Variants in NUP37 observed in about 807,000 individuals in gnomAD.
The protein encoded by NUP37 is nucleoporin Nup37.
A neutral mutation model predicts 45.4 loss-of-function variants in NUP37; 33 were observed. That is an observed-to-expected ratio of 0.73 (90% CI 0.55 to 0.97). NUP37 has a LOEUF of 0.97. Ranked by LOEUF, NUP37 falls within the 50% of genes least tolerant of loss-of-function variation. The pLI, the probability that NUP37 is intolerant of heterozygous loss-of-function variation, is 0.00. For synonymous variants in NUP37, 127 were observed against 130.7 expected (o/e 0.97, Z 0.19); for missense variants, 365 against 389.7 (o/e 0.94, Z 0.53).
chr12:102,093,541 A>C (rs778995013), intron 5 of NUP37, among the ~76,000 whole-genome samples: 3 of 152,110 alleles, frequency 2.0e-5, no homozygotes, highest in Non-Finnish European at 4.4e-5. Context: ...GACCATGTGT[A>C]ATGATTTCAT....
chr12:102,092,255 C>T (rs1272934981), intron 5 of NUP37, among the ~76,000 whole-genome samples: 5 of 152,294 alleles, frequency 3.3e-5, no homozygotes, highest in African/African-American at 9.6e-5. Flanking sequence ...TTAAATGACA[C>T]ATCTGTATCC....
intron 2 of NUP37, among the ~76,000 whole-genome samples, chr12:102,117,917 A>G (rs1274877454): frequency 1.3e-5 from 2 of 152,238 alleles, no homozygotes; most frequent in Non-Finnish European, 2.9e-5. Context: ...TAGATGCACA[A>G]AAAGTATGAC....
intron 3 of NUP37, among the ~76,000 whole-genome samples, chr12:102,111,837 G>C (rs1880324850): frequency 6.6e-6 from 1 of 152,204 alleles, no homozygotes; most frequent in Non-Finnish European, 1.5e-5. Context: ...TGAACAATCT[G>C]TAAAGACCTT....
chr12:102,100,674 T>C (rs1285518837), intron 4 of NUP37, among the ~76,000 whole-genome samples: 1 of 152,226 alleles, frequency 6.6e-6, no homozygotes, highest in Non-Finnish European at 1.5e-5. Context: ...GCCTGTGCTA[T>C]GCTGTACTGA....
At chr12:102,078,154 C>T (rs1879230217) in intron 6 of NUP37, among the ~76,000 whole-genome samples, 1 of 151,114 alleles carries the variant, frequency 6.6e-6, no homozygotes, top group African/African-American at 2.4e-5. Flanking sequence ...ATGGTGAAAC[C>T]CCGTCTCTAC....
At chr12:102,105,690 A>G (rs917564763) in intron 3 of NUP37, among the ~76,000 whole-genome samples, 2 of 151,866 alleles carry the variant, frequency 1.3e-5, no homozygotes, top group African/African-American at 4.8e-5. Context: ...GCGAAATCCC[A>G]TCTCTACTAA....
chr12:102,085,110 A>T (rs375043638), intron 6 of NUP37, among the ~76,000 whole-genome samples: 5 of 152,154 alleles, frequency 3.3e-5, no homozygotes, highest in African/African-American at 1.2e-4. Context: ...AACAACAAAC[A>T]AACAAACAAA....
At chr12:102,081,735 G>C (rs1030377364) in intron 6 of NUP37, among the ~76,000 whole-genome samples, 2 of 151,090 alleles carry the variant, frequency 1.3e-5, no homozygotes, top group African/African-American at 4.9e-5. Context: ...TTTTGAGACA[G>C]AGTCTCATTC....
At position 102,117,441 on chromosome 12, in the gene NUP37, G is replaced by GAA. The variant is rs55747025; in HGVS notation, c.156+920_156+921dup. Among the ~76,000 whole-genome samples, 44 of 146,450 alleles carry GAA rather than the reference G, an allele frequency of 3.0e-4. 1 individual carries two copies. In the South Asian group the frequency reaches 6.9e-3, roughly 23 times the overall value. On this transcript the variant is annotated intron_variant, in intron 2 of 9. Coordinates refer to ENST00000552283, the MANE Select transcript of NUP37 (RefSeq NM_024057.4). ...TGGGCGACCAAGCAAAACTCTGTCTGAAAAAAAAAAATAAAAATAATAATA... is the reference window on the plus strand; with the variant it reads ...TGGGCGACCAAGCAAAACTCTGTCTGAAAAAAAAAAAAATAAAAATAATAATA...
intron 1 of NUP37, among the ~76,000 whole-genome samples, chr12:102,119,684 A>C (rs1294375917): frequency 6.6e-6 from 1 of 152,108 alleles, no homozygotes; most frequent in African/African-American, 2.4e-5. Context: ...GAGACTTTTG[A>C]AGGGTGACCA....
chr12:102,085,963 A>G, intron 5 of NUP37, 107 bp from the exon 6 acceptor site: 1 of 514,520 alleles, frequency 1.9e-6, no homozygotes, highest in Non-Finnish European at 3.5e-6. Flanking sequence ...ATTATAAGAC[A>G]GACATTTGTA....
intron 6 of NUP37, among the ~76,000 whole-genome samples, chr12:102,084,367 C>T (rs1277497397): frequency 6.6e-6 from 1 of 152,110 alleles, no homozygotes; most frequent in Non-Finnish European, 1.5e-5. Flanking sequence ...ATGGAGATGG[C>T]CGGTACGGTG....
In NUP37 at chr12:102,099,092, C is replaced by T; in HGVS notation, c.449+14G>A. The T allele has an allele frequency of 3.9e-6, 6 of 1,558,016 alleles. No individual in the cohort carries two copies. Among genetic ancestry groups the T allele is most frequent in the Non-Finnish European group, 5.3e-6 (6 of 1,129,442 alleles). On this transcript the variant is annotated intron_variant, in intron 5 of 9. Transcript: ENST00000552283. ...TGGCAATTTAAAAATGTGGTTATAA[C>T]ATAAGCAACATACCTGCAGGTGTGA...
chr12:102,085,111 A>T (rs966586562), intron 6 of NUP37, among the ~76,000 whole-genome samples: 1 of 152,254 alleles, frequency 6.6e-6, no homozygotes, highest in African/African-American at 2.4e-5. Context: ...ACAACAAACA[A>T]ACAAACAAAC....
chr12:102,094,536 T>A (rs1272949313), intron 5 of NUP37, among the ~76,000 whole-genome samples: 1 of 152,066 alleles, frequency 6.6e-6, no homozygotes, highest in Non-Finnish European at 1.5e-5. Context: ...CCATCTTAAT[T>A]ATGGATCTTA....
At chr12:102,098,398 T>C (rs1330606409) in intron 5 of NUP37, among the ~76,000 whole-genome samples, 1 of 152,194 alleles carries the variant, frequency 6.6e-6, no homozygotes, top group Non-Finnish European at 1.5e-5. Flanking sequence ...TTTCCATCAA[T>C]CTTATGTAGC....
At chr12:102,076,937 C>A in intron 7 of NUP37, 90 bp from the exon 8 acceptor site, 1 of 866,628 alleles carries the variant, frequency 1.2e-6, no homozygotes, top group Non-Finnish European at 1.9e-6. Flanking sequence ...CTTTATAGGA[C>A]AGAATGTCCA....
intron 5 of NUP37, among the ~76,000 whole-genome samples, chr12:102,090,411 A>G (rs1461717707): frequency 1.3e-5 from 2 of 152,174 alleles, no homozygotes; most frequent in Admixed American, 1.3e-4. Flanking sequence ...ATATGCCCAC[A>G]TGTGCATTTG....
chr12:102,100,708 C>T (rs1280198475), intron 4 of NUP37, among the ~76,000 whole-genome samples: 1 of 152,192 alleles, frequency 6.6e-6, no homozygotes, highest in African/African-American at 2.4e-5. Flanking sequence ...TGAAGTTCAA[C>T]TCTTACTCTA....
Sources: allele counts gnomAD v4.1 joint callset (sites outside exome capture counted in the v4.1 genomes callset), GRCh38; gene constraint gnomAD v4.1.1; transcripts MANE v1.5; gene names NCBI Gene and HGNC (gene_info 2026-07-23, HGNC 2026-07-21).